The following PRKCB variants were observed in gnomAD, a reference collection of about 807,000 sequenced individuals.
PRKCB encodes protein kinase C beta, also known as protein kinase C beta type.
PRKCB carries 13 observed loss-of-function variants against 81.5 expected under a neutral mutation model. That is an observed-to-expected ratio of 0.16 (90% CI 0.10 to 0.25). The LOEUF is 0.25. Ranked by LOEUF, PRKCB falls within the 10% of genes least tolerant of loss-of-function variation. The pLI, the probability that PRKCB is intolerant of heterozygous loss-of-function variation, is 1.00. For missense variants in PRKCB, 509 were observed against 875.7 expected, an observed-to-expected ratio of 0.58 and a Z score of 5.29; for synonymous variants, 335 against 321.4, an observed-to-expected ratio of 1.04 and a Z score of -0.45.
chr16:24,114,106 CT>C (rs1179403448), intron 8 of PRKCB, among the ~76,000 whole-genome samples: 2 of 150,732 alleles, frequency 1.3e-5, no homozygotes, highest in Admixed American at 1.3e-4. Context: ...GTAATACCAG[CT>C]ACTCGGAAGG....
chr16:24,089,462 T>C (rs552740883), intron 5 of PRKCB, among the ~76,000 whole-genome samples: 2 of 151,928 alleles, frequency 1.3e-5, no homozygotes, highest in Non-Finnish European at 2.9e-5. Context: ...AATGGTTAAC[T>C]CTTCATAATA....
chr16:23,889,144 A>G (rs566872427), intron 2 of PRKCB, among the ~76,000 whole-genome samples: 1 of 144,892 alleles, frequency 6.9e-6, no homozygotes, highest in African/African-American at 2.9e-5. Flanking sequence ...CCATCCATCC[A>G]TCCATCCATC....
intron 7 of PRKCB, among the ~76,000 whole-genome samples, chr16:24,100,942 G>T (rs1039293225): frequency 6.6e-6 from 1 of 152,288 alleles, no homozygotes; most frequent in East Asian, 1.9e-4. Flanking sequence ...TGTTGAGTCA[G>T]TTCCTGGGTG....
intron 16 of PRKCB, among the ~76,000 whole-genome samples, chr16:24,193,304 G>A (rs570656079): frequency 1.4e-3 from 220 of 151,862 alleles, no homozygotes; most frequent in African/African-American, 5.2e-3. Context: ...AAATAGCTAG[G>A]TGTGATGGTG....
At chr16:24,152,381 G>A (rs1235353422) in intron 9 of PRKCB, among the ~76,000 whole-genome samples, 1 of 152,120 alleles carries the variant, frequency 6.6e-6, no homozygotes, top group Non-Finnish European at 1.5e-5. Context: ...TGGAAATTAC[G>A]GGAGCTACAA....
At chr16:23,969,720 GC>G (rs1416743291) in intron 2 of PRKCB, among the ~76,000 whole-genome samples, 2 of 152,086 alleles carry the variant, frequency 1.3e-5, no homozygotes, top group Non-Finnish European at 2.9e-5. Flanking sequence ...CCATGGATCA[GC>G]TCAAATCAAA....
At chr16:24,041,692 A>G (rs1965699871) in intron 5 of PRKCB, among the ~76,000 whole-genome samples, 1 of 152,158 alleles carries the variant, frequency 6.6e-6, no homozygotes, top group African/African-American at 2.4e-5. Context: ...ACACATCAAA[A>G]GAAAAAGAGT....
chr16:24,152,014 G>T (rs1283782944), intron 9 of PRKCB, among the ~76,000 whole-genome samples: 1 of 149,484 alleles, frequency 6.7e-6, no homozygotes, highest in Non-Finnish European at 1.5e-5. Flanking sequence ...TCTCGTTTTG[G>T]TTGGGGGAAT....
intron 9 of PRKCB, among the ~76,000 whole-genome samples, chr16:24,135,143 G>C (rs1209920065): frequency 2.0e-5 from 3 of 151,344 alleles, no homozygotes; most frequent in African/African-American, 4.9e-5. Context: ...ACTGTGCCTG[G>C]TGGGTTTTGA....
intron 5 of PRKCB, among the ~76,000 whole-genome samples, chr16:24,042,092 T>TG (rs574427082): frequency 4.6e-5 from 7 of 151,726 alleles, no homozygotes; most frequent in East Asian, 3.9e-4. Flanking sequence ...TGAACTTTGG[T>TG]GGGGGGGTAC....
chr16:24,108,338 T>A (rs8055367), intron 7 of PRKCB, among the ~76,000 whole-genome samples: 13 of 142,748 alleles, frequency 9.1e-5, no homozygotes, highest in African/African-American at 3.5e-4. Flanking sequence ...ATTTTATTTT[T>A]TTTTAAATTT....
At chr16:24,064,314 C>T (rs1385611953) in intron 5 of PRKCB, among the ~76,000 whole-genome samples, 1 of 152,168 alleles carries the variant, frequency 6.6e-6, no homozygotes, top group Non-Finnish European at 1.5e-5. Flanking sequence ...TACACATTTT[C>T]CTTTAAGCAC....
chr16:23,959,253 T>C (rs933730198), intron 2 of PRKCB, among the ~76,000 whole-genome samples: 1 of 152,188 alleles, frequency 6.6e-6, no homozygotes, highest in African/African-American at 2.4e-5. Context: ...TCAGAGGTGT[T>C]ATGGTGATTC....
intron 13 of PRKCB, among the ~76,000 whole-genome samples, chr16:24,182,096 T>A (rs1340847496): frequency 6.6e-6 from 1 of 152,214 alleles, no homozygotes; most frequent in East Asian, 1.9e-4. Flanking sequence ...TATGCTTTGG[T>A]CTATTATCAT....
At chr16:24,025,199 G>A (rs999568064) in intron 3 of PRKCB, among the ~76,000 whole-genome samples, 3 of 152,216 alleles carry the variant, frequency 2.0e-5, no homozygotes, top group Non-Finnish European at 4.4e-5. Context: ...AAAATAGCAT[G>A]TTTATGGTGC....
Position 24,216,777 on chromosome 16 carries a change from C to T in PRKCB, c.*1961C>T, listed in dbSNP as rs575981430. 3.5e-5 allele frequency: 34 copies of T among 985,412 alleles called. 1 individual carries two copies. The South Asian group carries it at 4.2e-4, about 12-fold the overall frequency. 61.0% of individuals were successfully genotyped at this position (985,412 alleles called of 1,614,324 possible). ...TAGGCAGTAAGAGAAGGAGGGAAAT[C>T]GGAGCAAAGCTCCCTCACTTTATTG... On this transcript the variant is annotated 3_prime_UTR_variant, in exon 17 of 17. Coordinates refer to ENST00000643927, the MANE Select transcript of PRKCB (RefSeq NM_002738.7).
At chr16:24,004,802 A>G (rs1464641238) in intron 3 of PRKCB, among the ~76,000 whole-genome samples, 1 of 152,228 alleles carries the variant, frequency 6.6e-6, no homozygotes, top group Non-Finnish European at 1.5e-5. Context: ...TTTTGACCTA[A>G]GAATTACTAA....
At chr16:24,080,729 T>C (rs1219345546) in intron 5 of PRKCB, among the ~76,000 whole-genome samples, 1 of 152,174 alleles carries the variant, frequency 6.6e-6, no homozygotes, top group African/African-American at 2.4e-5. Context: ...AACTTCCGAA[T>C]AATCCATGGT....
chr16:24,149,586 T>C (rs1374117621), intron 9 of PRKCB, among the ~76,000 whole-genome samples: 1 of 152,178 alleles, frequency 6.6e-6, no homozygotes, highest in East Asian at 1.9e-4. Context: ...AGGAAGAATA[T>C]GTTTATTAAA....
Sources: gnomAD v4.1 joint callset for allele counts (sites outside exome capture counted in the v4.1 genomes callset) on GRCh38, gnomAD v4.1.1 for gene constraint, MANE v1.5 for transcripts, NCBI Gene and HGNC (gene_info 2026-07-23, HGNC 2026-07-21) for gene names.